ABCD3: variants seen among roughly 807,000 people sequenced by gnomAD.
The protein encoded by ABCD3 is ATP-binding cassette sub-family D member 3.
ABCD3 carries 41 observed loss-of-function variants against 105.5 expected under a neutral mutation model. The observed-to-expected ratio is 0.39, with a 90% CI of 0.30 to 0.50. The LOEUF (loss-of-function observed/expected upper bound fraction) is 0.50, where lower values mean the gene tolerates loss of function less well. Among genes scored for constraint, ABCD3 ranks in the 20% least tolerant of loss-of-function variants. ABCD3 has a pLI of 0.84. For synonymous variants in ABCD3, 258 were observed against 269.0 expected, an observed-to-expected ratio of 0.96 and a Z score of 0.40; for missense variants, 622 against 806.3, an observed-to-expected ratio of 0.77 and a Z score of 2.77.
chr1:94,508,019 G>T (rs201340659), intron 21 of ABCD3, among the ~76,000 whole-genome samples: 49,735 of 144,038 alleles, frequency 0.35, 9,781 homozygotes, highest in Middle Eastern at 0.54. Flanking sequence ...GTCAATTTTG[G>T]CTTTTGTTGC....
At chr1:94,515,071 C>T in intron 21 of ABCD3, 75 bp from the exon 22 acceptor site, 15 of 1,174,492 alleles carry the variant, frequency 1.3e-5, no homozygotes, top group Non-Finnish European at 1.9e-5. Flanking sequence ...GTCCTCTTAA[C>T]AGCTTAAAGT....
At chr1:94,486,054 T>C (rs1156634544) in intron 10 of ABCD3, among the ~76,000 whole-genome samples, 1 of 151,998 alleles carries the variant, frequency 6.6e-6, no homozygotes, top group Non-Finnish European at 1.5e-5. Context: ...TAGCCGGTTG[T>C]TGTGGCGGGG....
intron 1 of ABCD3, among the ~76,000 whole-genome samples, chr1:94,433,309 C>A (rs1659762691): frequency 6.6e-6 from 1 of 152,062 alleles, no homozygotes; most frequent in Non-Finnish European, 1.5e-5. Context: ...CATGTGCCAC[C>A]ATGAGCAGCT....
Position 94,491,206 on chromosome 1 carries a change from A to G in ABCD3, c.1345A>G (p.Thr449Ala), listed in dbSNP as rs1361639998. The G allele has an allele frequency of 6.2e-7, 1 of 1,612,420 alleles. No individual in the cohort carries two copies. The highest frequency in any genetic ancestry group is 1.7e-5 in the Admixed American group (1 of 59,942). Residue 449 changes from threonine (T) to alanine (A), a missense_variant, in exon 16 of 23, where the codon ACG (threonine) becomes GCG (alanine). This residue lies in a region of ABCD3 where 285 missense variants were observed against 352.5 expected (regional missense o/e 0.81). Coordinates refer to ENST00000370214, the MANE Select transcript of ABCD3 (RefSeq NM_002858.4). ...IIKFDHVPLA[T>A]PNGDVLIRDL... Reference sequence around the variant, plus strand: ...TAGGTTTGATCATGTTCCTTTAGCAACGCCAAATGGAGATGTTTTGATCCG... The same window carrying G: ...TAGGTTTGATCATGTTCCTTTAGCAGCGCCAAATGGAGATGTTTTGATCCG...
Position 94,469,628 on chromosome 1 carries a change from C to G in ABCD3, c.335+1621C>G, listed in dbSNP as rs531576882. On this transcript the variant is annotated intron_variant, in intron 4 of 22. Transcript: ENST00000370214. Reference sequence around the variant, plus strand: ...AACTTCATCTTTCTATTTCCACCCCCGCCCTATACGTTTTGTAGTTTCCAG... The same window carrying G: ...AACTTCATCTTTCTATTTCCACCCCGGCCCTATACGTTTTGTAGTTTCCAG... Among the ~76,000 whole-genome samples, 7 of 150,164 alleles carry G rather than the reference C, an allele frequency of 4.7e-5. No homozygotes were observed. The East Asian group carries it at 1.4e-3, about 29-fold the overall frequency.
chr1:94,452,813 C>T (rs943756713), intron 1 of ABCD3, among the ~76,000 whole-genome samples: 2 of 151,708 alleles, frequency 1.3e-5, no homozygotes, highest in East Asian at 3.9e-4. Flanking sequence ...CTCAGCTCAC[C>T]GCAACTTCCG....
intron 21 of ABCD3, among the ~76,000 whole-genome samples, chr1:94,508,421 A>C (rs1650474064): frequency 6.6e-6 from 1 of 152,026 alleles, no homozygotes; most frequent in South Asian, 2.1e-4. Context: ...GAAGTCAGGT[A>C]GTGTGATGCC....
chr1:94,491,072 G>A (rs1649513201), intron 15 of ABCD3, 112 bp from the exon 16 acceptor site: 2 of 756,470 alleles, frequency 2.6e-6, no homozygotes, highest in African/African-American at 1.8e-5. Context: ...TTTAAGAAGT[G>A]TTTAAGCTCT....
At chr1:94,395,073 T>A in the ABCD3 span, among the ~76,000 whole-genome samples, 69,363 of 152,010 alleles carry the variant, frequency 0.46, 16,422 homozygotes, top group Middle Eastern at 0.64. Flanking sequence ...TTGTGCTTAC[T>A]GTTACCTTAG....
At chr1:94,400,907 C>G in the ABCD3 span, among the ~76,000 whole-genome samples, 89,027 of 151,974 alleles carry the variant, frequency 0.59, 26,238 homozygotes, top group Middle Eastern at 0.74. Flanking sequence ...CATGAGGGCA[C>G]TGCTCTCTTG....
At chr1:94,509,519 G>A (rs1650549910) in intron 21 of ABCD3, among the ~76,000 whole-genome samples, 1 of 152,182 alleles carries the variant, frequency 6.6e-6, no homozygotes, top group African/African-American at 2.4e-5. Flanking sequence ...AGTTAGGGAG[G>A]ATCCCCTCTT....
intron 1 of ABCD3, among the ~76,000 whole-genome samples, chr1:94,423,883 C>G (rs1208197657): frequency 6.6e-6 from 1 of 152,178 alleles, no homozygotes; most frequent in African/African-American, 2.4e-5. Flanking sequence ...TTCCTTAAAT[C>G]TGCCCCATTC....
intron 1 of ABCD3, among the ~76,000 whole-genome samples, chr1:94,451,602 A>G (rs528289466): frequency 3.3e-5 from 5 of 152,330 alleles, no homozygotes; most frequent in South Asian, 2.1e-4. Context: ...ATGTCTTTCA[A>G]ATCAACATCT....
chr1:94,465,697 A>C (rs1570780175), intron 3 of ABCD3, among the ~76,000 whole-genome samples: 1 of 152,228 alleles, frequency 6.6e-6, no homozygotes, highest in East Asian at 1.9e-4. Context: ...ATCTGGATTC[A>C]TCAGTTATTT....
chr1:94,446,236 T>C (rs976665972), intron 1 of ABCD3, among the ~76,000 whole-genome samples: 1 of 152,192 alleles, frequency 6.6e-6, no homozygotes, highest in Non-Finnish European at 1.5e-5. Flanking sequence ...GGCCATTCCC[T>C]CACCCCTGGG....
At chr1:94,424,358 C>A (rs903943638) in intron 1 of ABCD3, among the ~76,000 whole-genome samples, 99 of 152,174 alleles carry the variant, frequency 6.5e-4, no homozygotes, top group African/African-American at 2.3e-3. Flanking sequence ...TTACTCTCCC[C>A]ACTCTTTCAG....
chr1:94,486,663 GGCTATT>G (rs1247464566), intron 10 of ABCD3, among the ~76,000 whole-genome samples: 1 of 152,144 alleles, frequency 6.6e-6, no homozygotes, highest in Non-Finnish European at 1.5e-5. Context: ...ATATGAAGGG[GGCTATT>G]GCCCAGCTAC....
chr1:94,413,535 G>A (rs1323810264), upstream of ABCD3, among the ~76,000 whole-genome samples: 1 of 152,120 alleles, frequency 6.6e-6, no homozygotes, highest in Non-Finnish European at 1.5e-5. Flanking sequence ...GGAAGAGGTT[G>A]AGATCTCAAT....
chr1:94,499,581 C>T lies in ABCD3; in HGVS notation c.1707C>T (p.Asp569=), dbSNP rs991134623. Reference sequence around the variant, plus strand: ...GGGACAGTGTTCAGGATTGGATGGACGTACTCAGTGGTGGAGAAAAGCAAA... The same window carrying T: ...GGGACAGTGTTCAGGATTGGATGGATGTACTCAGTGGTGGAGAAAAGCAAA... The part of the protein sequence containing the change: ...GGWDSVQDWM[D]VLSGGEKQRM... The change falls in exon 20 of 23, where the codon GAC becomes GAT. Residue 569 remains aspartate (D), a synonymous_variant. Transcript: ENST00000370214. 7 of 1,613,558 alleles carry T rather than the reference C, an allele frequency of 4.3e-6. No individual in the cohort carries two copies. In the African/African-American group the frequency reaches 5.3e-5, roughly 12 times the overall value.
Sources: allele counts gnomAD v4.1 joint callset (sites outside exome capture counted in the v4.1 genomes callset), GRCh38; gene constraint gnomAD v4.1.1; regional missense constraint gnomAD v4.1.1; transcripts MANE v1.5; gene names NCBI Gene and HGNC (gene_info 2026-07-23, HGNC 2026-07-21).